GOLGB1: variants seen among roughly 807,000 people sequenced by gnomAD.
The protein encoded by GOLGB1 is golgin subfamily B member 1.
Under a neutral mutation model 336.9 loss-of-function variants are expected in GOLGB1, and 174 were observed. The ratio of observed to expected loss-of-function variants is 0.52; its 90% CI spans 0.46 to 0.59. The LOEUF (loss-of-function observed/expected upper bound fraction) is 0.59. Ranked by LOEUF, GOLGB1 falls within the 20% of genes least tolerant of loss-of-function variation. The pLI is 0.00. For synonymous variants in GOLGB1, 1,208 were observed against 1,289.2 expected (o/e 0.94, Z 1.35); for missense variants, 3,331 against 3,645.3 (o/e 0.91, Z 2.22).
chr3:121,749,594 C>T (rs1947620570), intron 1 of GOLGB1, 38 bp downstream of exon 1: 1 of 152,258 alleles, frequency 6.6e-6, no homozygotes, highest in African/African-American at 2.4e-5. Context: ...CGTTATTGGA[C>T]TCGCAGAGGG....
At position 121,691,705 on chromosome 3, in the gene GOLGB1, G is replaced by A. The variant is rs1406311217; in HGVS notation, c.7659C>T (p.Asp2553=). 6.2e-7 allele frequency: 1 copy of A among 1,611,718 alleles called. No homozygotes were observed. Among genetic ancestry groups the A allele is most frequent in the Non-Finnish European group, 8.5e-7 (1 of 1,179,446 alleles). Residue 2553 remains aspartate (D), a synonymous_variant, in exon 14 of 22, where the codon GAC becomes GAT. Coordinates refer to ENST00000614479, the MANE Select transcript of GOLGB1 (RefSeq NM_001366282.2). ...EDLNQVITIK[D]SQQKQLLEVQ... is the part of the protein sequence containing the mutation. The stretch of plus-strand genomic sequence containing the variant: ...CTTCAAGAAGCTGCTTTTGTTGGCT[G>A]TCCTTTATTGTTATCACTTGGTTCA...
intron 4 of GOLGB1, among the ~76,000 whole-genome samples, chr3:121,727,320 A>ATATATATATAT (rs1365310516): frequency 1.0e-4 from 3 of 28,636 alleles, no homozygotes; most frequent in Admixed American, 7.2e-4. Flanking sequence ...ATATATATAT[A>ATATATATATAT]TTTTTTTTTT....
At chr3:121,707,468 GC>G (rs1943978521) in intron 10 of GOLGB1, among the ~76,000 whole-genome samples, 1 of 145,130 alleles carries the variant, frequency 6.9e-6, no homozygotes, top group Non-Finnish European at 1.5e-5. Context: ...TCTACTAAAA[GC>G]AAAAAAAAAA....
In GOLGB1 at chr3:121,693,766, C is replaced by G. The variant is rs1444496214; in HGVS notation, c.6757G>C (p.Glu2253Gln). 1.9e-6 allele frequency: 3 copies of G among 1,606,974 alleles called. No homozygotes were observed. The South Asian group carries it at 3.3e-5, about 18-fold the overall frequency. The change falls in exon 13 of 22, where the codon GAA (glutamate) becomes CAA (glutamine). Residue 2253 changes from glutamate to glutamine, a missense_variant. Coordinates refer to ENST00000614479, the MANE Select transcript of GOLGB1 (RefSeq NM_001366282.2). ...CTGGAAATGTTAATCTTTAATTCTT[C>G]CATATGGATGGACATCTGTCTAAGT... ...DQLRQMSIHM[E>Q]ELKINISRLE...
chr3:121,683,144 C>T (rs2107683242), intron 14 of GOLGB1, among the ~76,000 whole-genome samples: 1 of 144,830 alleles, frequency 6.9e-6, no homozygotes, highest in Middle Eastern at 3.6e-3. Context: ...TCAAGTGATC[C>T]CTCCACCTTG....
rs1576454601 is a variant in GOLGB1 at position 121,729,992 on chromosome 3, TC to T, written c.121del (p.Glu41AsnfsTer24). 1 of 1,612,304 alleles carries T rather than the reference TC, an allele frequency of 6.2e-7. No homozygotes were observed. The highest frequency in any genetic ancestry group is 2.2e-5 in the East Asian group (1 of 44,860). On this transcript the variant is annotated frameshift_variant, in exon 3 of 22. Transcript: ENST00000614479. LOFTEE classifies it high-confidence loss of function. The stretch of plus-strand genomic sequence containing the variant: ...ATCTTCTTGTGTAGTATTATTAAAT[TC>T]CATGTCAGATTCTTGGTGTAATTCC... ...DPELHQESDM[E>X]FNNTTQEDVQ...
intron 5 of GOLGB1, among the ~76,000 whole-genome samples, 180 bp from the exon 6 acceptor site, chr3:121,722,558 A>G (rs898720357): frequency 6.6e-6 from 1 of 152,256 alleles, no homozygotes; most frequent in East Asian, 1.9e-4. Context: ...AGAAGAAGAC[A>G]GAAGCAGTAG....
At chr3:121,723,420 T>G (rs1192597592) in intron 5 of GOLGB1, among the ~76,000 whole-genome samples, 1 of 152,248 alleles carries the variant, frequency 6.6e-6, no homozygotes, top group Non-Finnish European at 1.5e-5. Flanking sequence ...CAGACAGCAT[T>G]AGTAACAGTT....
intron 1 of GOLGB1, among the ~76,000 whole-genome samples, chr3:121,733,758 G>A (rs899635159): frequency 1.3e-5 from 2 of 152,080 alleles, no homozygotes; most frequent in Non-Finnish European, 2.9e-5. Context: ...CATACAAATC[G>A]AGTCAACTGA....
At chr3:121,720,574 T>C (rs1945115974) in intron 6 of GOLGB1, among the ~76,000 whole-genome samples, 1 of 152,232 alleles carries the variant, frequency 6.6e-6, no homozygotes, top group East Asian at 1.9e-4. Flanking sequence ...TCTCAGTTTG[T>C]GACACCTTGA....
chr3:121,698,256 G>A lies in GOLGB1; in HGVS notation c.2267C>T (p.Ser756Phe). ...ALSEERDQLL[S>F]QVKELSMVTE... ...TACCATGCTAAGTTCCTTCACCTGAGAGAGAAGCTGGTCTCTTTCTTCAGA... is the reference window on the plus strand; with the variant it reads ...TACCATGCTAAGTTCCTTCACCTGAAAGAGAAGCTGGTCTCTTTCTTCAGA... Residue 756 changes from serine to phenylalanine, a missense_variant, in exon 13 of 22, where the codon TCT becomes TTT. By Grantham distance (155) the Ser-to-Phe change is radical. Coordinates refer to ENST00000614479, the MANE Select transcript of GOLGB1 (RefSeq NM_001366282.2). 1 of 1,613,894 alleles carries A rather than the reference G, an allele frequency of 6.2e-7. No homozygotes were observed. The highest frequency in any genetic ancestry group is 8.5e-7 in the Non-Finnish European group (1 of 1,179,864).
intron 10 of GOLGB1, among the ~76,000 whole-genome samples, chr3:121,713,155 C>A (rs551804041): frequency 5.1e-4 from 77 of 152,100 alleles, no homozygotes; most frequent in African/African-American, 1.8e-3. Flanking sequence ...GACCAAGACT[C>A]CGTCTTGGAA....
At chr3:121,731,368 C>CA (rs1553885147) in intron 1 of GOLGB1, among the ~76,000 whole-genome samples, 11 of 143,624 alleles carry the variant, frequency 7.7e-5, no homozygotes, top group Non-Finnish European at 1.5e-4. Flanking sequence ...TTTTCTTTTT[C>CA]TTTTTTTTTT....
chr3:121,668,441 G>T (rs565059957), intron 18 of GOLGB1: 1 of 199,972 alleles, frequency 5.0e-6, no homozygotes, highest in Non-Finnish European at 1.0e-5. Context: ...TTGGGAGGCC[G>T]AGGTGGGTGG....
chr3:121,681,640 A>G, intron 15 of GOLGB1, 47 bp downstream of exon 15: 1 of 1,309,502 alleles, frequency 7.6e-7, no homozygotes, highest in African/African-American at 1.5e-5. Flanking sequence ...TTTCAAAATA[A>G]AAAGTTAAAA....
rs757555589 is a variant in GOLGB1 at position 121,669,224 on chromosome 3, T to C, written c.9309A>G (p.Gln3103=). The C allele has an allele frequency of 1.9e-6, 3 of 1,613,872 alleles. No homozygotes were observed. In the East Asian group the frequency reaches 6.7e-5, roughly 36 times the overall value. Residue 3103 remains glutamine, a synonymous_variant, in exon 18 of 22, where the codon CAA becomes CAG. Coordinates refer to ENST00000614479, the MANE Select transcript of GOLGB1 (RefSeq NM_001366282.2). The part of the protein sequence containing the change: ...NHCAVLEKQV[Q]ELQAGPLNID... ...TCTCTTTACTCACCGCCTGCAGCTC[T>C]TGAACCTGCTTCTCCAAGACTGCAC...
chr3:121,724,860 G>A (rs1004513631), intron 5 of GOLGB1, among the ~76,000 whole-genome samples: 3 of 152,296 alleles, frequency 2.0e-5, no homozygotes, highest in South Asian at 2.1e-4. Flanking sequence ...GCCACTTCAG[G>A]ATACTGCTCC....
rs1319426246 is a variant in GOLGB1 at position 121,696,898 on chromosome 3, C to T, written c.3625G>A (p.Glu1209Lys). The T allele has an allele frequency of 5.0e-6, 8 of 1,614,116 alleles. No homozygotes were observed. The highest frequency in any genetic ancestry group is 6.8e-6 in the Non-Finnish European group (8 of 1,179,996). Reference sequence around the variant, plus strand: ...TAGTCATCTTTCTGTTGCTTTAGCTCCTCCCTGAGATGTCTTTCTTTCTCC... The same window carrying T: ...TAGTCATCTTTCTGTTGCTTTAGCTTCTCCCTGAGATGTCTTTCTTTCTCC... The part of the protein sequence containing the change: ...AQEKERHLRE[E>K]LKQQKDDYNR... The change falls in exon 13 of 22, where the codon GAG (glutamate) becomes AAG (lysine). Residue 1209 changes from glutamate to lysine, a missense_variant. By Grantham distance (56) the Glu-to-Lys change is moderately conservative. Transcript: ENST00000614479.
rs920587860 is a variant in GOLGB1 at position 121,717,987 on chromosome 3, T to A, written c.885+401A>T. Among the ~76,000 whole-genome samples the A allele has an allele frequency of 2.0e-5, 3 of 152,230 alleles. No individual in the cohort carries two copies. The East Asian group carries it at 5.8e-4, about 29-fold the overall frequency. ...ATTTTGTGCATATTTGCCTTTGATC[T>A]GTTACCCTGTTCCACAAGGTCAGTT... On this transcript the variant is annotated intron_variant, in intron 8 of 21. Coordinates refer to ENST00000614479, the MANE Select transcript of GOLGB1 (RefSeq NM_001366282.2).
Sources: allele counts gnomAD v4.1 joint callset (sites outside exome capture counted in the v4.1 genomes callset), GRCh38; gene constraint gnomAD v4.1.1; transcripts MANE v1.5; gene names NCBI Gene and HGNC (gene_info 2026-07-23, HGNC 2026-07-21).